The following VPS13B variants were observed in gnomAD, a reference collection of about 807,000 sequenced individuals.
VPS13B encodes vacuolar protein sorting 13 homolog B.
A neutral mutation model predicts 426.4 loss-of-function variants in VPS13B; 285 were observed. That is an observed-to-expected ratio of 0.67 (90% CI 0.61 to 0.74). The LOEUF (loss-of-function observed/expected upper bound fraction) is 0.74, where lower values mean the gene tolerates loss of function less well. VPS13B is among the 30% of genes least tolerant of loss of function. VPS13B has a pLI of 0.00. For synonymous variants in VPS13B, 1,676 were observed against 1,676.4 expected (o/e 1.00, Z 0.01); for missense variants, 4,537 against 4,782.6 (o/e 0.95, Z 1.51).
At chr8:99,329,895 T>C (rs890161970) in intron 19 of VPS13B, among the ~76,000 whole-genome samples, 21 of 152,032 alleles carry the variant, frequency 1.4e-4, no homozygotes, top group Admixed American at 3.3e-4. Flanking sequence ...GGCCACATAA[T>C]TCTGTCTCAT....
chr8:99,741,704 CA>C (rs780257527), intron 39 of VPS13B, among the ~76,000 whole-genome samples: 3 of 152,206 alleles, frequency 2.0e-5, no homozygotes, highest in Admixed American at 6.5e-5. Context: ...GGAAAGTGAA[CA>C]ACCTGCTCCT....
intron 23 of VPS13B, among the ~76,000 whole-genome samples, chr8:99,454,194 T>C (rs778803190): frequency 6.6e-6 from 1 of 152,200 alleles, no homozygotes; most frequent in African/African-American, 2.4e-5. Flanking sequence ...TGATAGCTTT[T>C]ATTTTTTTGA....
chr8:99,184,087 A>G (rs1052552954), intron 16 of VPS13B, among the ~76,000 whole-genome samples: 3 of 152,310 alleles, frequency 2.0e-5, no homozygotes, highest in East Asian at 3.9e-4. Context: ...ATAGTAGTCA[A>G]TTGGTTGGAT....
chr8:99,589,487 A>C (rs1183503331), intron 33 of VPS13B, among the ~76,000 whole-genome samples: 3 of 151,590 alleles, frequency 2.0e-5, no homozygotes, highest in Admixed American at 2.0e-4. Flanking sequence ...TAGTTTTCTG[A>C]GAATGATGGT....
chr8:99,582,779 C>A (rs1003481127), intron 33 of VPS13B, among the ~76,000 whole-genome samples: 5 of 152,156 alleles, frequency 3.3e-5, no homozygotes, highest in African/African-American at 1.2e-4. Flanking sequence ...CCTCAGCCTC[C>A]CGAGTAGCTG....
intron 51 of VPS13B, among the ~76,000 whole-genome samples, chr8:99,830,951 T>C (rs975957287): frequency 3.3e-5 from 5 of 151,702 alleles, no homozygotes; most frequent in Admixed American, 6.6e-5. Flanking sequence ...ACAGTCCCAG[T>C]GAGATGAGCC....
At chr8:99,363,020 A>G (rs1165314944) in intron 19 of VPS13B, among the ~76,000 whole-genome samples, 3 of 152,144 alleles carry the variant, frequency 2.0e-5, no homozygotes, top group Non-Finnish European at 4.4e-5. Flanking sequence ...TTTTAACTTG[A>G]TGTGACCCCC....
chr8:99,077,041 T>C lies in VPS13B; in HGVS notation c.292-19271T>C, dbSNP rs554188995. ...TGCTCTACCAGTGAGTTTTATACTT[T>C]CATGTGTTTTCATGATGGTGGATAT... On this transcript the variant is annotated intron_variant, in intron 3 of 61. Transcript: ENST00000357162. 2.6e-5 allele frequency among the ~76,000 whole-genome samples: 4 copies of C among 152,328 alleles called. No homozygotes were observed. In the South Asian group the frequency reaches 6.2e-4, roughly 24 times the overall value.
chr8:99,813,224 C>G (rs370696686), intron 44 of VPS13B, among the ~76,000 whole-genome samples: 3 of 152,066 alleles, frequency 2.0e-5, no homozygotes, highest in Non-Finnish European at 4.4e-5. Context: ...TTTCTTTTAT[C>G]AAATTTGAAA....
At chr8:99,344,907 T>A (rs1811455278) in intron 19 of VPS13B, among the ~76,000 whole-genome samples, 1 of 152,186 alleles carries the variant, frequency 6.6e-6, no homozygotes, top group African/African-American at 2.4e-5. Flanking sequence ...GTGTTTTGTG[T>A]GGCTTGTTGA....
chr8:99,846,699 C>A (rs897766304), intron 54 of VPS13B, among the ~76,000 whole-genome samples: 1 of 152,100 alleles, frequency 6.6e-6, no homozygotes, highest in Non-Finnish European at 1.5e-5. Flanking sequence ...GAAGAAGTAC[C>A]GTGAAAGTTC....
intron 3 of VPS13B, among the ~76,000 whole-genome samples, chr8:99,079,327 G>C (rs1054643709): frequency 3.9e-5 from 6 of 152,082 alleles, no homozygotes; most frequent in African/African-American, 1.2e-4. Flanking sequence ...GGTTGGGGCA[G>C]ATCAATTCCC....
At chr8:99,135,839 G>A (rs1810044324) in intron 11 of VPS13B, 106 bp downstream of exon 11, 2 of 1,459,406 alleles carry the variant, frequency 1.4e-6, no homozygotes, top group Admixed American at 3.6e-5. Context: ...CCTTCTGAAT[G>A]CTAATTGTTT....
intron 17 of VPS13B, among the ~76,000 whole-genome samples, chr8:99,206,271 T>C (rs958603051): frequency 2.0e-5 from 3 of 152,188 alleles, no homozygotes; most frequent in African/African-American, 7.2e-5. Flanking sequence ...GTGCTAAAGG[T>C]GATCAAATGG....
intron 16 of VPS13B, among the ~76,000 whole-genome samples, chr8:99,180,971 A>G (rs1205572051): frequency 6.6e-6 from 1 of 152,204 alleles, no homozygotes; most frequent in African/African-American, 2.4e-5. Flanking sequence ...TTAATATGAC[A>G]GATCCTTACA....
At position 99,590,135 on chromosome 8, in the gene VPS13B, A is replaced by G. The variant is rs796460373; in HGVS notation, c.5220+12502A>G. Reference sequence around the variant, plus strand: ...CTAGTTCATTTGCATAGAGGTGTTTATAGTATGCTGTCATGGTGGTTTCTA... The same window carrying G: ...CTAGTTCATTTGCATAGAGGTGTTTGTAGTATGCTGTCATGGTGGTTTCTA... On this transcript the variant is annotated intron_variant, in intron 33 of 61. Transcript: ENST00000357162. 5.3e-5 allele frequency among the ~76,000 whole-genome samples: 8 copies of G among 152,242 alleles called. 1 individual carries two copies. Among genetic ancestry groups the G allele is most frequent in the African/African-American group, 1.9e-4 (8 of 41,558 alleles).
chr8:99,436,230 TTAAA>T (rs1341680205), intron 22 of VPS13B, among the ~76,000 whole-genome samples: 10 of 152,182 alleles, frequency 6.6e-5, no homozygotes, highest in Non-Finnish European at 1.3e-4. Flanking sequence ...AATGGATACA[TTAAA>T]TAATATTTAA....
At chr8:99,028,402 CA>C (rs1842262404) in intron 2 of VPS13B, among the ~76,000 whole-genome samples, 1 of 147,128 alleles carries the variant, frequency 6.8e-6, no homozygotes, top group African/African-American at 2.5e-5. Context: ...TGACCCCCCC[CA>C]CCTCCCTCCC....
At chr8:99,395,687 A>G (rs917041726) in intron 21 of VPS13B, among the ~76,000 whole-genome samples, 24 of 152,200 alleles carry the variant, frequency 1.6e-4, no homozygotes, top group Non-Finnish European at 1.0e-4. Context: ...CAACTTAAAT[A>G]TAACAGTTGC....
Sources: allele counts gnomAD v4.1 joint callset (sites outside exome capture counted in the v4.1 genomes callset), GRCh38; gene constraint gnomAD v4.1.1; transcripts MANE v1.5; gene names NCBI Gene and HGNC (gene_info 2026-07-23, HGNC 2026-07-21).